ROBO2: variants seen among roughly 807,000 people sequenced by gnomAD.
The protein encoded by ROBO2 is roundabout homolog 2.
A neutral mutation model predicts 160.8 loss-of-function variants in ROBO2; 53 were observed. That is an observed-to-expected ratio of 0.33 (90% CI 0.26 to 0.41). The LOEUF is 0.41. ROBO2 is among the 10% of genes least tolerant of loss of function. The pLI is 1.00. For synonymous variants in ROBO2, 664 were observed against 611.7 expected (o/e 1.09, Z -1.26); for missense variants, 1,577 against 1,722.4 (o/e 0.92, Z 1.49).
At chr3:76,272,971 A>ATATATAT (rs1707648767) in intron 2 of ROBO2, among the ~76,000 whole-genome samples, 2 of 19,920 alleles carry the variant, frequency 1.0e-4, no homozygotes, top group South Asian at 2.4e-3. Flanking sequence ...TTTATATATA[A>ATATATAT]AATATATATA....
At chr3:75,966,172 A>T (rs1172029534) in intron 2 of ROBO2, among the ~76,000 whole-genome samples, 1 of 151,778 alleles carries the variant, frequency 6.6e-6, no homozygotes, top group African/African-American at 2.4e-5. Flanking sequence ...AATCCTGTTA[A>T]GATAAAGAAG....
chr3:77,096,803 GAA>G (rs1265179019), intron 1 of ROBO2, among the ~76,000 whole-genome samples: 4 of 152,194 alleles, frequency 2.6e-5, no homozygotes, highest in African/African-American at 9.6e-5. Context: ...CATTCACAGG[GAA>G]GTCACTGGTA....
intron 2 of ROBO2, among the ~76,000 whole-genome samples, chr3:76,527,689 G>GGGGA (rs2082020728): frequency 6.6e-6 from 1 of 151,978 alleles, no homozygotes. Flanking sequence ...TCAAGAATTT[G>GGGGA]GGGAGGAGAT....
chr3:76,685,659 A>G (rs2092670103), intron 2 of ROBO2, among the ~76,000 whole-genome samples: 1 of 152,146 alleles, frequency 6.6e-6, no homozygotes, highest in Non-Finnish European at 1.5e-5. Context: ...ACAAAATTTG[A>G]GTAAATAAAA....
At chr3:77,640,639 T>C (rs965025457) in intron 24 of ROBO2, among the ~76,000 whole-genome samples, 15 of 152,204 alleles carry the variant, frequency 9.9e-5, no homozygotes, top group Admixed American at 9.8e-4. Flanking sequence ...GTTGTGTGCC[T>C]GAAAAGAGCT....
At chr3:77,600,819 T>C (rs141947085) in intron 19 of ROBO2, among the ~76,000 whole-genome samples, 8 of 152,270 alleles carry the variant, frequency 5.3e-5, no homozygotes, top group Non-Finnish European at 8.8e-5. Context: ...AATTAGGACA[T>C]AGCTCAAAGA....
In ROBO2 at chr3:75,924,702, T is replaced by TTTTTTC. The variant is rs1947212040; in HGVS notation, c.-13-12776_-13-12775insTTCTTT. Among the ~76,000 whole-genome samples, 5 of 138,954 alleles carry TTTTTTC rather than the reference T, an allele frequency of 3.6e-5. 1 individual carries two copies. In the Admixed American group the frequency reaches 3.6e-4, roughly 10 times the overall value. 91.2% of individuals were successfully genotyped at this position (138,954 alleles called of 152,430 possible). A position where few individuals can be genotyped will look rare whatever the true frequency, so the allele number is the denominator to read the frequency against. On this transcript the variant is annotated intron_variant, in intron 1 of 26. Coordinates refer to the ROBO2 transcript ENST00000487694. Reference sequence around the variant, plus strand: ...TTTTCTTTTTTTTTTTTTTTTTTTTTTTTGAGACTGTAGTCTTGCTCTGTG... The same window carrying TTTTTTC: ...TTTTCTTTTTTTTTTTTTTTTTTTTTTTTTTCTTTGAGACTGTAGTCTTGCTCTGTG...
chr3:76,760,935 T>G (rs1373966772), intron 2 of ROBO2, among the ~76,000 whole-genome samples: 1 of 151,660 alleles, frequency 6.6e-6, no homozygotes, highest in African/African-American at 2.4e-5. Context: ...TTTTATACTT[T>G]GTGGAATGTT....
chr3:77,457,425 G>A (rs2081776514), intron 2 of ROBO2, among the ~76,000 whole-genome samples: 2 of 152,086 alleles, frequency 1.3e-5, no homozygotes. Flanking sequence ...AAAATATAAA[G>A]AGAGATAAAG....
At chr3:77,266,025 T>G (rs150876458) in intron 2 of ROBO2, among the ~76,000 whole-genome samples, 1 of 152,264 alleles carries the variant, frequency 6.6e-6, no homozygotes, top group East Asian at 1.9e-4. Context: ...TGGTAAGATA[T>G]GCAGAATCAG....
At chr3:75,947,306 T>C (rs1948345362) in intron 2 of ROBO2, among the ~76,000 whole-genome samples, 1 of 152,076 alleles carries the variant, frequency 6.6e-6, no homozygotes, top group Admixed American at 6.6e-5. Flanking sequence ...AGTTAGATAA[T>C]CATAGCCTAT....
At chr3:76,826,066 T>A (rs1218540490) in intron 2 of ROBO2, among the ~76,000 whole-genome samples, 2 of 150,470 alleles carry the variant, frequency 1.3e-5, no homozygotes, top group Non-Finnish European at 3.0e-5. Context: ...TTTTTTTTTT[T>A]AAGTGGCTGT....
At chr3:77,412,567 G>A (rs2076887745) in intron 2 of ROBO2, among the ~76,000 whole-genome samples, 1 of 152,184 alleles carries the variant, frequency 6.6e-6, no homozygotes, top group Non-Finnish European at 1.5e-5. Flanking sequence ...AGTAACTGGG[G>A]ACAGTGGGAT....
At chr3:77,267,802 C>A (rs1048689188) in intron 2 of ROBO2, among the ~76,000 whole-genome samples, 1 of 152,080 alleles carries the variant, frequency 6.6e-6, no homozygotes, top group Non-Finnish European at 1.5e-5. Flanking sequence ...TCATTTGCCT[C>A]CGCTCTCTTC....
chr3:76,862,198 C>T (rs2070857065), intron 2 of ROBO2, among the ~76,000 whole-genome samples: 1 of 152,108 alleles, frequency 6.6e-6, no homozygotes, highest in Non-Finnish European at 1.5e-5. Flanking sequence ...TATACATTCT[C>T]TTACATCTTA....
At chr3:76,074,106 G>T (rs1398188228) in intron 2 of ROBO2, among the ~76,000 whole-genome samples, 1 of 152,022 alleles carries the variant, frequency 6.6e-6, no homozygotes, top group Non-Finnish European at 1.5e-5. Context: ...CATCTCTGTG[G>T]CGCCTGTGTG....
chr3:76,726,568 C>A (rs1413527011), intron 2 of ROBO2, among the ~76,000 whole-genome samples: 1 of 152,078 alleles, frequency 6.6e-6, no homozygotes, highest in East Asian at 1.9e-4. Context: ...GAGTCCTCTC[C>A]ACCTCCACCA....
intron 23 of ROBO2, chr3:77,632,687 A>G (rs758979923): frequency 2.6e-6 from 4 of 1,510,482 alleles, no homozygotes; most frequent in East Asian, 2.5e-5. Flanking sequence ...CACTCTTTGC[A>G]TGAGAGAATC....
At chr3:77,387,516 T>G (rs2074262878) in intron 2 of ROBO2, among the ~76,000 whole-genome samples, 1 of 152,012 alleles carries the variant, frequency 6.6e-6, no homozygotes, top group South Asian at 2.1e-4. Context: ...TGCAGCTATT[T>G]GAAGTTTCCT....
Sources: allele counts gnomAD v4.1 joint callset (sites outside exome capture counted in the v4.1 genomes callset), GRCh38; gene constraint gnomAD v4.1.1; transcripts MANE v1.5; gene names NCBI Gene and HGNC (gene_info 2026-07-23, HGNC 2026-07-21).